MGAT5: variants seen among roughly 807,000 people sequenced by gnomAD.
The protein encoded by MGAT5 is alpha-1,6-mannosylglycoprotein 6-beta-N-acetylglucosaminyltransferase.
In MGAT5, 30 loss-of-function variants were observed where a neutral mutation model predicts 94.3. That is an observed-to-expected ratio of 0.32 (90% CI 0.24 to 0.43). The LOEUF (loss-of-function observed/expected upper bound fraction) is 0.43. Ranked by LOEUF, MGAT5 falls within the 20% of genes least tolerant of loss-of-function variation. The probability of loss-of-function intolerance (pLI) is 1.00; values close to 1 mark genes in which losing one functional copy is unlikely to be tolerated. For missense variants in MGAT5, 691 were observed against 905.5 expected (o/e 0.76, Z 3.04); for synonymous variants, 310 against 322.9 (o/e 0.96, Z 0.43).
At chr2:134,163,348 T>C (rs1329207766) in intron 1 of MGAT5, among the ~76,000 whole-genome samples, 1 of 152,126 alleles carries the variant, frequency 6.6e-6, no homozygotes, top group African/African-American at 2.4e-5. Context: ...GAGTAGGGGC[T>C]GGAGTAAGGG....
At chr2:134,413,052 A>G (rs551532540) in intron 12 of MGAT5, 37 bp downstream of exon 12, 4 of 1,606,432 alleles carry the variant, frequency 2.5e-6, no homozygotes, top group African/African-American at 2.7e-5. Context: ...TTTGAATAAT[A>G]TGAATAATAG....
At chr2:134,362,891 G>T (rs1680193059) in intron 10 of MGAT5, among the ~76,000 whole-genome samples, 1 of 152,210 alleles carries the variant, frequency 6.6e-6, no homozygotes, top group Non-Finnish European at 1.5e-5. Context: ...GTAAATTCTT[G>T]CTGGGGCTGA....
Position 134,349,923 on chromosome 2 carries a change from T to C in MGAT5, c.1231T>C (p.Phe411Leu). The C allele has an allele frequency of 1.2e-6, 2 of 1,613,184 alleles. No homozygotes were observed. The highest frequency in any genetic ancestry group is 1.7e-6 in the Non-Finnish European group (2 of 1,179,480). The change falls in exon 9 of 16, where the codon TTT becomes CTT. Residue 411 changes from phenylalanine to leucine, a missense_variant. Around this residue, in one of 4 missense-constraint regions of MGAT5, gnomAD observed 121 missense variants for 206.1 expected, o/e 0.59. Coordinates refer to ENST00000281923, the MANE Select transcript of MGAT5 (RefSeq NM_002410.5). The part of the protein sequence containing the change: ...WGKWNLNPQQ[F>L]YTMFPHTPDN... Reference sequence around the variant, plus strand: ...AAAATGGAATCTGAACCCTCAGCAGTTTTATACCATGTTCCGTGAGTATTC... The same window carrying C: ...AAAATGGAATCTGAACCCTCAGCAGCTTTATACCATGTTCCGTGAGTATTC...
chr2:134,203,723 TA>T (rs1189654252), intron 1 of MGAT5, among the ~76,000 whole-genome samples: 2 of 152,158 alleles, frequency 1.3e-5, no homozygotes, highest in Non-Finnish European at 2.9e-5. Context: ...TTCCTCCATT[TA>T]AAATAAAAAA....
At chr2:134,362,661 G>C (rs188715446) in intron 10 of MGAT5, among the ~76,000 whole-genome samples, 23 of 152,204 alleles carry the variant, frequency 1.5e-4, no homozygotes, top group Admixed American at 1.5e-3. Flanking sequence ...ACACATTCTA[G>C]CTGCTTTTTC....
chr2:134,413,510 A>G (rs1198711166), intron 12 of MGAT5, among the ~76,000 whole-genome samples: 5 of 152,242 alleles, frequency 3.3e-5, no homozygotes, highest in Non-Finnish European at 7.3e-5. Context: ...TACCATTGCT[A>G]GAACCATTTG....
chr2:134,305,624 G>A (rs78085055), intron 2 of MGAT5, among the ~76,000 whole-genome samples: 3,351 of 152,216 alleles, frequency 0.022, 134 homozygotes, highest in African/African-American at 0.077. Flanking sequence ...GATAAGAACA[G>A]GCAGAAATCT....
chr2:134,151,646 T>C (rs1323389239), intron 1 of MGAT5, among the ~76,000 whole-genome samples: 19 of 48,106 alleles, frequency 3.9e-4, no homozygotes, highest in African/African-American at 6.5e-4. Context: ...AGCCTCCCAC[T>C]GCCATGGGAC....
intron 1 of MGAT5, among the ~76,000 whole-genome samples, chr2:134,238,630 T>C (rs914754468): frequency 2.6e-5 from 4 of 152,214 alleles, no homozygotes; most frequent in Non-Finnish European, 4.4e-5. Flanking sequence ...CTGAGATATA[T>C]AAGGCTGTTG....
At chr2:134,157,703 C>T (rs1453723103) in intron 1 of MGAT5, among the ~76,000 whole-genome samples, 2 of 151,932 alleles carry the variant, frequency 1.3e-5, no homozygotes, top group East Asian at 3.9e-4. Flanking sequence ...AATGTAGAAT[C>T]AGTGGGAGCC....
chr2:134,443,398 G>T, intron 15 of MGAT5, among the ~76,000 whole-genome samples: 1 of 152,170 alleles, frequency 6.6e-6, no homozygotes, highest in South Asian at 2.1e-4. Context: ...TACCATGTTG[G>T]CCAGGCTGGT....
At chr2:134,375,708 T>C (rs1482952119) in intron 10 of MGAT5, among the ~76,000 whole-genome samples, 1 of 152,126 alleles carries the variant, frequency 6.6e-6, no homozygotes, top group Non-Finnish European at 1.5e-5. Flanking sequence ...AAGTTAAAAA[T>C]TGGGTGGTAG....
chr2:134,164,336 T>C lies in MGAT5; in HGVS notation c.-143+44045T>C, dbSNP rs542799506. Reference sequence around the variant, plus strand: ...AATTCAGTGAGTGATCAGTAGGAAATAAGCTTTGAGAGTTGGTTGGTTTCC... The same window carrying C: ...AATTCAGTGAGTGATCAGTAGGAAACAAGCTTTGAGAGTTGGTTGGTTTCC... On this transcript the variant is annotated intron_variant, in intron 1 of 16. Coordinates refer to the MGAT5 transcript ENST00000409645. Among the ~76,000 whole-genome samples the C allele has an allele frequency of 4.8e-4, 73 of 152,308 alleles. 1 individual carries two copies. The highest frequency in any genetic ancestry group is 1.7e-3 in the African/African-American group (70 of 41,576).
intron 12 of MGAT5, among the ~76,000 whole-genome samples, chr2:134,419,327 G>A (rs1684149892): frequency 6.6e-6 from 1 of 152,146 alleles, no homozygotes; most frequent in Admixed American, 6.5e-5. Context: ...GGCTGGTTCA[G>A]GTTATGTTTT....
intron 14 of MGAT5, among the ~76,000 whole-genome samples, chr2:134,430,468 C>A (rs1684819246): frequency 6.6e-6 from 1 of 152,162 alleles, no homozygotes; most frequent in Non-Finnish European, 1.5e-5. Context: ...TCCCTAGTAA[C>A]CTGCTGGACA....
intron 1 of MGAT5, among the ~76,000 whole-genome samples, chr2:134,201,816 C>CT (rs554227745): frequency 0.27 from 18,311 of 67,266 alleles, 5,234 homozygotes; most frequent in African/African-American, 0.34. Flanking sequence ...CCAAGCGCTG[C>CT]TTTTTTTTTT....
chr2:134,340,924 T>C (rs936146531), intron 6 of MGAT5, among the ~76,000 whole-genome samples: 4 of 152,142 alleles, frequency 2.6e-5, no homozygotes, highest in African/African-American at 7.2e-5. Flanking sequence ...TAAAGGGCAG[T>C]TGAAGAAGTA....
intron 2 of MGAT5, among the ~76,000 whole-genome samples, chr2:134,288,685 G>A (rs1685159978): frequency 6.6e-6 from 1 of 152,132 alleles, no homozygotes; most frequent in Non-Finnish European, 1.5e-5. Context: ...AATGACAGTG[G>A]CAGTCATCTT....
intron 1 of MGAT5, among the ~76,000 whole-genome samples, chr2:134,187,517 T>C (rs1430568480): frequency 1.3e-5 from 2 of 152,260 alleles, no homozygotes; most frequent in African/African-American, 2.4e-5. Context: ...CCCAGATCTT[T>C]ACTTGCTCTG....
Sources: allele counts gnomAD v4.1 joint callset (sites outside exome capture counted in the v4.1 genomes callset), GRCh38; gene constraint gnomAD v4.1.1; regional missense constraint gnomAD v4.1.1; transcripts MANE v1.5; gene names NCBI Gene and HGNC (gene_info 2026-07-23, HGNC 2026-07-21).